LRRTM4: variants seen among roughly 807,000 people sequenced by gnomAD.
The protein encoded by LRRTM4 is leucine-rich repeat transmembrane neuronal protein 4.
In LRRTM4, 25 loss-of-function variants were observed where a neutral mutation model predicts 47.6. That is an observed-to-expected ratio of 0.53 (90% confidence interval 0.38 to 0.73). The LOEUF is 0.73. Ranked by LOEUF, LRRTM4 falls within the 30% of genes least tolerant of loss-of-function variation. The pLI is 0.00. For synonymous variants in LRRTM4, 311 were observed against 269.5 expected, an observed-to-expected ratio of 1.15 and a Z score of -1.51; for missense variants, 638 against 713.4, an observed-to-expected ratio of 0.89 and a Z score of 1.20.
At chr2:77,297,720 T>A (rs1042950911) in intron 3 of LRRTM4, among the ~76,000 whole-genome samples, 1 of 152,168 alleles carries the variant, frequency 6.6e-6, no homozygotes, top group South Asian at 2.1e-4. Context: ...TTTTCACTCT[T>A]CTATTAAAAG....
chr2:77,090,526 G>GT (rs1288073409), intron 3 of LRRTM4, among the ~76,000 whole-genome samples: 1 of 152,096 alleles, frequency 6.6e-6, no homozygotes, highest in Admixed American at 6.6e-5. Flanking sequence ...ATAGAAAAAA[G>GT]TTACAATTCC....
At chr2:77,042,005 A>G (rs1408990363) in intron 3 of LRRTM4, among the ~76,000 whole-genome samples, 1 of 117,446 alleles carries the variant, frequency 8.5e-6, no homozygotes, top group African/African-American at 2.6e-5. Flanking sequence ...AACAAGAAAG[A>G]ACAAATAAAC....
chr2:77,451,050 T>C (rs1465593650), intron 3 of LRRTM4, among the ~76,000 whole-genome samples: 2 of 152,162 alleles, frequency 1.3e-5, no homozygotes, highest in African/African-American at 4.8e-5. Context: ...TACTTTCCCA[T>C]AAAATTCCCT....
At chr2:77,168,977 C>A (rs1013255402) in intron 3 of LRRTM4, among the ~76,000 whole-genome samples, 35 of 151,964 alleles carry the variant, frequency 2.3e-4, no homozygotes, top group Non-Finnish European at 4.3e-4. Context: ...AGGACAAAAA[C>A]CATATAATCA....
In LRRTM4 at chr2:77,518,425, G is replaced by T. The variant is rs751743214; in HGVS notation, c.1444C>A (p.Gln482Lys). ...ESERQMNSPL[Q>K]EYYVDYKPTN... ...GGCTTGTAGTCCACATAATACTCCT[G>T]TAAAGGGGAATTCATTTGTCTTTCA... Residue 482 changes from glutamine to lysine, a missense_variant, in exon 3 of 4, where the codon CAG becomes AAG. Gln to Lys is a moderately conservative substitution (Grantham distance 53). Coordinates refer to ENST00000409884, the MANE Select transcript of LRRTM4 (RefSeq NM_001134745.3). 2 of 1,613,212 alleles carry T rather than the reference G, an allele frequency of 1.2e-6. No individual in the cohort carries two copies. The highest frequency in any genetic ancestry group is 1.7e-5 in the Admixed American group (1 of 59,840).
At chr2:77,300,018 A>C (rs1677088861) in intron 3 of LRRTM4, among the ~76,000 whole-genome samples, 1 of 151,710 alleles carries the variant, frequency 6.6e-6, no homozygotes, top group African/African-American at 2.4e-5. Flanking sequence ...CGCCCAGCTA[A>C]TTTTTGTATT....
chr2:77,161,680 T>C (rs1340580061), intron 3 of LRRTM4, among the ~76,000 whole-genome samples: 1 of 152,220 alleles, frequency 6.6e-6, no homozygotes, highest in African/African-American at 2.4e-5. Flanking sequence ...TACGTGCAGT[T>C]CAAACCCATG....
chr2:77,477,869 G>T lies in LRRTM4; in HGVS notation c.1551+40449C>A, dbSNP rs1361605939. Among the ~76,000 whole-genome samples, 2 of 111,512 alleles carry T rather than the reference G, an allele frequency of 1.8e-5. 1 individual carries two copies. Among genetic ancestry groups the T allele is most frequent in the African/African-American group, 6.8e-5 (2 of 29,236 alleles). The allele number at this position is 111,512 out of a possible 152,430, so 73.2% of individuals were successfully genotyped here. On this transcript the variant is annotated intron_variant, in intron 3 of 3. Coordinates refer to ENST00000409884, the MANE Select transcript of LRRTM4 (RefSeq NM_001134745.3). ...AAAAAAAAAAAAAGAAAGAGAGAGA[G>T]AAAGAAAGAAAGAGAAAGAAAGAAA...
At chr2:77,498,684 C>G (rs191949344) in intron 3 of LRRTM4, among the ~76,000 whole-genome samples, 1 of 151,776 alleles carries the variant, frequency 6.6e-6, no homozygotes, top group Non-Finnish European at 1.5e-5. Flanking sequence ...CTTACTTACT[C>G]CTAACATTGC....
chr2:76,862,300 G>A (rs1260892441), intron 3 of LRRTM4, among the ~76,000 whole-genome samples: 2 of 152,126 alleles, frequency 1.3e-5, no homozygotes, highest in Non-Finnish European at 2.9e-5. Flanking sequence ...GTTCTAAGGT[G>A]AGGAAGGCTT....
chr2:76,938,112 G>GA (rs1243825857), intron 3 of LRRTM4, among the ~76,000 whole-genome samples: 4 of 151,704 alleles, frequency 2.6e-5, no homozygotes, highest in Middle Eastern at 3.4e-3. Flanking sequence ...ACTTTCTGAT[G>GA]AAAAAAATTC....
At chr2:77,398,128 A>T (rs929237129) in intron 3 of LRRTM4, among the ~76,000 whole-genome samples, 2 of 151,884 alleles carry the variant, frequency 1.3e-5, no homozygotes, top group Admixed American at 6.6e-5. Flanking sequence ...CTGTATAATT[A>T]TTCCAGTGCA....
chr2:77,406,308 C>G (rs1182573795), intron 3 of LRRTM4, among the ~76,000 whole-genome samples: 4 of 152,178 alleles, frequency 2.6e-5, no homozygotes, highest in East Asian at 3.9e-4. Context: ...AACAGGGACT[C>G]TTACATGCAT....
intron 3 of LRRTM4, among the ~76,000 whole-genome samples, chr2:77,087,193 G>A (rs1288659920): frequency 6.6e-6 from 1 of 152,132 alleles, no homozygotes; most frequent in Admixed American, 6.5e-5. Flanking sequence ...TCAAGAGAGT[G>A]GGCATACATA....
intron 3 of LRRTM4, among the ~76,000 whole-genome samples, chr2:76,961,234 A>T (rs1174624365): frequency 1.3e-5 from 2 of 151,452 alleles, no homozygotes; most frequent in Non-Finnish European, 3.0e-5. Context: ...TATCTAATAT[A>T]ATTGGAAATC....
chr2:77,480,814 GTGTGTGTGGAGAGAGAGAGA>G (rs1677653167), intron 3 of LRRTM4, among the ~76,000 whole-genome samples: 2 of 130,928 alleles, frequency 1.5e-5, no homozygotes, highest in South Asian at 5.6e-4. Context: ...GTGTGTGTGT[GTGTGTGTGGAGAGAGAGAGA>G]GAGAGAGAGA....
At chr2:77,433,293 G>A (rs917549797) in intron 3 of LRRTM4, among the ~76,000 whole-genome samples, 1 of 152,134 alleles carries the variant, frequency 6.6e-6, no homozygotes, top group Non-Finnish European at 1.5e-5. Context: ...GAAAATAGGA[G>A]AGAATAGATG....
chr2:77,437,666 T>C (rs1435296987), intron 3 of LRRTM4, among the ~76,000 whole-genome samples: 1 of 152,140 alleles, frequency 6.6e-6, no homozygotes, highest in African/African-American at 2.4e-5. Flanking sequence ...CAAAACTTAA[T>C]TGAATCATGT....
chr2:76,797,858 A>G (rs1381080165), intron 3 of LRRTM4, among the ~76,000 whole-genome samples: 1 of 151,774 alleles, frequency 6.6e-6, no homozygotes, highest in Non-Finnish European at 1.5e-5. Flanking sequence ...AAAGATCAAA[A>G]GAGACAGTGA....
Sources: gnomAD v4.1 joint callset for allele counts (sites outside exome capture counted in the v4.1 genomes callset) on GRCh38, gnomAD v4.1.1 for gene constraint, MANE v1.5 for transcripts, NCBI Gene and HGNC (gene_info 2026-07-23, HGNC 2026-07-21) for gene names.